CDKAL1: variants seen among roughly 807,000 people sequenced by gnomAD.
The protein encoded by CDKAL1 is CDKAL1 threonylcarbamoyladenosine tRNA methylthiotransferase.
A neutral mutation model predicts 68.2 loss-of-function variants in CDKAL1; 32 were observed. The observed-to-expected ratio is 0.47, with a 90% CI of 0.35 to 0.63. The LOEUF (loss-of-function observed/expected upper bound fraction) is 0.63, where lower values mean the gene tolerates loss of function less well. CDKAL1 is among the 30% of genes least tolerant of loss of function. The pLI is 0.00. For missense variants in CDKAL1, 606 were observed against 696.7 expected, an observed-to-expected ratio of 0.87 and a Z score of 1.47; for synonymous variants, 234 against 244.3, an observed-to-expected ratio of 0.96 and a Z score of 0.39.
chr6:20,616,615 T>C (rs2127727998), intron 4 of CDKAL1, among the ~76,000 whole-genome samples: 1 of 148,954 alleles, frequency 6.7e-6, no homozygotes, highest in Non-Finnish European at 1.5e-5. Context: ...TGCTTGTGAT[T>C]TTTGTACATT....
chr6:20,606,665 G>A (rs867196048), intron 4 of CDKAL1, among the ~76,000 whole-genome samples: 15 of 152,178 alleles, frequency 9.9e-5, no homozygotes, highest in African/African-American at 2.7e-4. Flanking sequence ...ATCTTAATGC[G>A]TGTTAGAAAA....
intron 11 of CDKAL1, among the ~76,000 whole-genome samples, chr6:21,059,127 C>T (rs1451152700): frequency 6.6e-6 from 1 of 152,204 alleles, no homozygotes; most frequent in South Asian, 2.1e-4. Flanking sequence ...GAAATTCCCA[C>T]AGGGAGGCCC....
chr6:20,582,745 TAAAA>T (rs374861476), intron 4 of CDKAL1, among the ~76,000 whole-genome samples: 2 of 152,298 alleles, frequency 1.3e-5, no homozygotes, highest in African/African-American at 4.8e-5. Context: ...TTATAATACT[TAAAA>T]AAAGTCATTT....
At chr6:21,147,776 A>T (rs1298523061) in intron 13 of CDKAL1, among the ~76,000 whole-genome samples, 1 of 151,874 alleles carries the variant, frequency 6.6e-6, no homozygotes, top group Non-Finnish European at 1.5e-5. Context: ...ATCATGTATA[A>T]TCTTTTGCAA....
intron 10 of CDKAL1, among the ~76,000 whole-genome samples, chr6:20,957,269 A>G (rs1764825527): frequency 6.6e-6 from 1 of 152,184 alleles, no homozygotes; most frequent in Admixed American, 6.5e-5. Context: ...CAAGGAAGAA[A>G]AATCTTGTGT....
chr6:20,946,901 C>T (rs1764265703), intron 9 of CDKAL1, among the ~76,000 whole-genome samples: 1 of 152,124 alleles, frequency 6.6e-6, no homozygotes, highest in Non-Finnish European at 1.5e-5. Flanking sequence ...CTGACCTCAT[C>T]ATCCATACCT....
At chr6:21,014,465 G>A (rs963021886) in intron 11 of CDKAL1, among the ~76,000 whole-genome samples, 6 of 152,084 alleles carry the variant, frequency 3.9e-5, no homozygotes, top group Non-Finnish European at 8.8e-5. Context: ...AAAAAAATTA[G>A]CTGGGCGTGG....
chr6:20,584,073 A>T (rs995350473), intron 4 of CDKAL1, among the ~76,000 whole-genome samples: 1 of 142,760 alleles, frequency 7.0e-6, no homozygotes, highest in African/African-American at 2.6e-5. Context: ...TAACATTACT[A>T]CTCATATTTC....
Position 20,739,334 on chromosome 6 carries a change from T to A in CDKAL1, c.372-185T>A, listed in dbSNP as rs112875755. Among the ~76,000 whole-genome samples the A allele has an allele frequency of 3.9e-3, 600 of 152,350 alleles. 2 individuals carry two copies. Among genetic ancestry groups the A allele is most frequent in the Non-Finnish European group, 6.9e-3 (472 of 68,036 alleles). On this transcript the variant is annotated intron_variant, in intron 5 of 15. Coordinates refer to ENST00000274695, the MANE Select transcript of CDKAL1 (RefSeq NM_017774.3). ...ATTGGACTGCTGTTGTGTTCTTTAA[T>A]GCTGCGATAAATAGACATATTGTAC...
intron 5 of CDKAL1, among the ~76,000 whole-genome samples, chr6:20,722,980 C>T (rs534529532): frequency 1.4e-4 from 21 of 152,224 alleles, no homozygotes; most frequent in African/African-American, 4.3e-4. Flanking sequence ...ATAAAATTTT[C>T]CATCTTCACC....
At chr6:20,942,204 A>G (rs567275689) in intron 9 of CDKAL1, among the ~76,000 whole-genome samples, 10 of 152,222 alleles carry the variant, frequency 6.6e-5, no homozygotes, top group Admixed American at 1.3e-4. Flanking sequence ...GCTTATCACA[A>G]TCTACGTTCA....
intron 15 of CDKAL1, among the ~76,000 whole-genome samples, chr6:21,227,941 C>T (rs1012922764): frequency 3.9e-5 from 6 of 152,174 alleles, no homozygotes; most frequent in African/African-American, 1.4e-4. Context: ...GGCGCAGTAC[C>T]TGCACTGCTT....
At chr6:20,688,425 CG>C (rs1257872475) in intron 5 of CDKAL1, among the ~76,000 whole-genome samples, 2 of 151,004 alleles carry the variant, frequency 1.3e-5, no homozygotes, top group Non-Finnish European at 3.0e-5. Flanking sequence ...AGGTTTCTTT[CG>C]TTTTTTTTTT....
chr6:20,640,644 G>A (rs1768131425), intron 4 of CDKAL1, among the ~76,000 whole-genome samples: 1 of 152,122 alleles, frequency 6.6e-6, no homozygotes, highest in Admixed American at 6.6e-5. Context: ...CAACTGTAAG[G>A]CCATGTAATA....
At chr6:21,184,225 C>T (rs1271288624) in intron 13 of CDKAL1, among the ~76,000 whole-genome samples, 3 of 148,246 alleles carry the variant, frequency 2.0e-5, no homozygotes, top group Non-Finnish European at 3.0e-5. Context: ...GGTGGAGTCT[C>T]GCTCTGTGTC....
At chr6:20,640,237 T>TA (rs745943486) in intron 4 of CDKAL1, among the ~76,000 whole-genome samples, 24 of 152,206 alleles carry the variant, frequency 1.6e-4, no homozygotes, top group Non-Finnish European at 2.8e-4. Flanking sequence ...GTTTTGTTCT[T>TA]ACTGAATTTT....
At chr6:20,905,674 T>G (rs1398440955) in intron 9 of CDKAL1, among the ~76,000 whole-genome samples, 1 of 152,110 alleles carries the variant, frequency 6.6e-6, no homozygotes, top group Non-Finnish European at 1.5e-5. Context: ...AAGGAGTATC[T>G]TGAAAACGGC....
chr6:21,005,378 C>T (rs1767671004), intron 11 of CDKAL1, among the ~76,000 whole-genome samples: 1 of 152,158 alleles, frequency 6.6e-6, no homozygotes, highest in East Asian at 1.9e-4. Flanking sequence ...CAAGTTCACA[C>T]ATTAAAATGT....
intron 9 of CDKAL1, among the ~76,000 whole-genome samples, chr6:20,912,714 G>C (rs1762520768): frequency 6.6e-6 from 1 of 151,970 alleles, no homozygotes; most frequent in Non-Finnish European, 1.5e-5. Flanking sequence ...GCTATCTATT[G>C]CTATATAACA....
Sources: allele counts gnomAD v4.1 joint callset (sites outside exome capture counted in the v4.1 genomes callset), GRCh38; gene constraint gnomAD v4.1.1; transcripts MANE v1.5; gene names NCBI Gene and HGNC (gene_info 2026-07-23, HGNC 2026-07-21).